Variants in LHFPL3 observed in about 807,000 individuals in gnomAD.
LHFPL3 encodes the protein LHFPL tetraspan subfamily member 3.
A neutral mutation model predicts 19.3 loss-of-function variants in LHFPL3; 5 were observed. The ratio of observed to expected loss-of-function variants is 0.26; its 90% confidence interval spans 0.14 to 0.54. The LOEUF (loss-of-function observed/expected upper bound fraction) is 0.54. Ranked by LOEUF, LHFPL3 falls within the 20% of genes least tolerant of loss-of-function variation. The probability of loss-of-function intolerance (pLI) is 0.94; values close to 1 mark genes in which losing one functional copy is unlikely to be tolerated. For missense variants in LHFPL3, 249 were observed against 307.4 expected (o/e 0.81, Z 1.42); for synonymous variants, 133 against 126.2 (o/e 1.05, Z -0.36).
chr7:104,623,656 C>G (rs141867963), intron 1 of LHFPL3, among the ~76,000 whole-genome samples: 402 of 117,126 alleles, frequency 3.4e-3, no homozygotes, highest in Non-Finnish European at 5.4e-3. Context: ...TTGTAGATTC[C>G]ACCTTCAAAT....
intron 1 of LHFPL3, among the ~76,000 whole-genome samples, chr7:104,496,162 T>A (rs1384634313): frequency 6.6e-6 from 1 of 152,146 alleles, no homozygotes; most frequent in Non-Finnish European, 1.5e-5. Flanking sequence ...ATGTTCCCCT[T>A]CCTGTGTCCA....
chr7:104,382,804 G>T, intron 1 of LHFPL3, among the ~76,000 whole-genome samples: 1 of 152,202 alleles, frequency 6.6e-6, no homozygotes, highest in East Asian at 1.9e-4. Context: ...AAAGCCAAAT[G>T]GTCTTGATTA....
intron 1 of LHFPL3, among the ~76,000 whole-genome samples, chr7:104,563,805 A>G (rs1260574957): frequency 6.6e-6 from 1 of 152,240 alleles, no homozygotes; most frequent in Non-Finnish European, 1.5e-5. Flanking sequence ...ACTATAAGAA[A>G]TAAATTTCTG....
At chr7:104,733,271 G>T (rs1793738904) in intron 1 of LHFPL3, among the ~76,000 whole-genome samples, 1 of 152,154 alleles carries the variant, frequency 6.6e-6, no homozygotes, top group Non-Finnish European at 1.5e-5. Flanking sequence ...TCAATTCCTG[G>T]ATATCCTTGT....
At position 104,795,401 on chromosome 7, in the gene LHFPL3, G is replaced by A. The variant is rs572859440; in HGVS notation, c.682+58490G>A. 1.6e-4 allele frequency among the ~76,000 whole-genome samples: 25 copies of A among 152,192 alleles called. 1 individual carries two copies. Among genetic ancestry groups the A allele is most frequent in the Admixed American group, 4.6e-4 (7 of 15,282 alleles). Reference sequence around the variant, plus strand: ...CTTCTGTTCTCTCTCCCCGTCCCTCGCCTCTTTCTTTCTTCCCCTCTTCCT... The same window carrying A: ...CTTCTGTTCTCTCTCCCCGTCCCTCACCTCTTTCTTTCTTCCCCTCTTCCT... On this transcript the variant is annotated intron_variant, in intron 2 of 2. Coordinates refer to ENST00000424859, the MANE Select transcript of LHFPL3 (RefSeq NM_199000.3).
At chr7:104,713,673 G>T (rs533275992) in intron 1 of LHFPL3, among the ~76,000 whole-genome samples, 2 of 152,264 alleles carry the variant, frequency 1.3e-5, no homozygotes, top group South Asian at 2.1e-4. Context: ...CTAACTAGCA[G>T]ACTTTACCAG....
chr7:104,613,548 T>C (rs1018795316), intron 1 of LHFPL3, among the ~76,000 whole-genome samples: 3 of 152,150 alleles, frequency 2.0e-5, no homozygotes, highest in Admixed American at 2.0e-4. Flanking sequence ...AAGAATTACC[T>C]AGTGTATGAT....
Position 104,646,478 on chromosome 7 carries a change from T to C in LHFPL3, c.446-90197T>C, listed in dbSNP as rs149795815. Among the ~76,000 whole-genome samples, 833 of 152,304 alleles carry C rather than the reference T, an allele frequency of 5.5e-3. 3 individuals carry two copies. The highest frequency in any genetic ancestry group is 8.3e-3 in the Non-Finnish European group (566 of 68,034). On this transcript the variant is annotated intron_variant, in intron 1 of 2. Coordinates refer to ENST00000424859, the MANE Select transcript of LHFPL3 (RefSeq NM_199000.3). ...ATTTCTGTGAAATAGGATGTAAGAA[T>C]TGGCAAACAGAGAGGAAAGGGATCT...
At chr7:104,767,820 T>C (rs1386555598) in intron 2 of LHFPL3, among the ~76,000 whole-genome samples, 1 of 152,222 alleles carries the variant, frequency 6.6e-6, no homozygotes, top group African/African-American at 2.4e-5. Context: ...TCAGACTTGG[T>C]TTCTTTTTCT....
intron 1 of LHFPL3, among the ~76,000 whole-genome samples, chr7:104,662,386 TCCC>T (rs1029482112): frequency 1.3e-5 from 2 of 152,060 alleles, no homozygotes; most frequent in African/African-American, 4.8e-5. Context: ...TCTCATTTAA[TCCC>T]CCCAAGGACC....
At position 104,376,710 on chromosome 7, in the gene LHFPL3, C is replaced by T. The variant is rs192561145; in HGVS notation, c.445+47486C>T. 6.5e-4 allele frequency among the ~76,000 whole-genome samples: 99 copies of T among 152,206 alleles called. 2 individuals carry two copies. The highest frequency in any genetic ancestry group is 5.4e-3 in the Admixed American group (82 of 15,286). ...CAGTTGTGAAGTGTATTACACTTCA[C>T]GGGCCAGGCTCTATTACTCTGGGCT... is the stretch of plus-strand genomic sequence containing the variant. On this transcript the variant is annotated intron_variant, in intron 1 of 2. Coordinates refer to ENST00000424859, the MANE Select transcript of LHFPL3 (RefSeq NM_199000.3).
chr7:104,672,658 C>T (rs575177480), intron 1 of LHFPL3, among the ~76,000 whole-genome samples: 4 of 152,258 alleles, frequency 2.6e-5, no homozygotes, highest in African/African-American at 4.8e-5. Flanking sequence ...CTTCTCTATC[C>T]GAGTATAATG....
chr7:104,604,685 A>G (rs17139096), intron 1 of LHFPL3, among the ~76,000 whole-genome samples: 19,285 of 152,236 alleles, frequency 0.13, 1,314 homozygotes, highest in Non-Finnish European at 0.15. Flanking sequence ...GTTGGCAGGA[A>G]CTCTGAAATA....
chr7:104,357,477 G>A lies in LHFPL3; in HGVS notation c.445+28253G>A, dbSNP rs1790303087. 2.6e-5 allele frequency among the ~76,000 whole-genome samples: 4 copies of A among 152,108 alleles called. No individual in the cohort carries two copies. The South Asian group carries it at 8.3e-4, about 32-fold the overall frequency. ...TTGTAAAGGACATCTTTACAACTCC[G>A]TAAGCACTAACTTTCGGGTAGCCAA... is the stretch of plus-strand genomic sequence containing the variant. On this transcript the variant is annotated intron_variant, in intron 1 of 2. Transcript: ENST00000424859.
At chr7:104,755,614 C>T (rs1794269264) in intron 2 of LHFPL3, among the ~76,000 whole-genome samples, 1 of 149,838 alleles carries the variant, frequency 6.7e-6, no homozygotes, top group Admixed American at 6.7e-5. Context: ...AGAGAAACAC[C>T]CACATATATT....
intron 2 of LHFPL3, among the ~76,000 whole-genome samples, chr7:104,769,604 T>C (rs28446081): frequency 5.5e-4 from 83 of 149,920 alleles, no homozygotes; most frequent in African/African-American, 1.6e-3. Flanking sequence ...GCTGTCCCTC[T>C]TTTAGCCCCC....
intron 1 of LHFPL3, among the ~76,000 whole-genome samples, chr7:104,477,244 A>G (rs1793039859): frequency 6.6e-6 from 1 of 151,952 alleles, no homozygotes; most frequent in Non-Finnish European, 1.5e-5. Context: ...TTCTGCCTCA[A>G]CCTCCTGAAG....
At chr7:104,591,739 CT>C (rs1219089689) in intron 1 of LHFPL3, among the ~76,000 whole-genome samples, 2 of 152,340 alleles carry the variant, frequency 1.3e-5, no homozygotes, top group East Asian at 3.9e-4. Flanking sequence ...CTCCCCTTCA[CT>C]TTCAGGTACA....
At chr7:104,608,334 A>G (rs1006412557) in intron 1 of LHFPL3, among the ~76,000 whole-genome samples, 2 of 152,046 alleles carry the variant, frequency 1.3e-5, no homozygotes, top group African/African-American at 4.8e-5. Context: ...TGAAGAGTTC[A>G]TGTCCTTTGT....
Sources: allele counts gnomAD v4.1 joint callset (sites outside exome capture counted in the v4.1 genomes callset), GRCh38; gene constraint gnomAD v4.1.1; transcripts MANE v1.5; gene names NCBI Gene and HGNC (gene_info 2026-07-23, HGNC 2026-07-21).